Variants in UGGT2 observed in about 807,000 individuals in gnomAD.
UGGT2 encodes UDP-glucose glycoprotein glucosyltransferase 2, also known as UDP-glucose:glycoprotein glucosyltransferase 2.
In UGGT2, 180 loss-of-function variants were observed where a neutral mutation model predicts 192.1. The observed-to-expected ratio is 0.94, with a 90% confidence interval of 0.83 to 1.06. UGGT2 has a LOEUF of 1.06. UGGT2 is among the 50% of genes least tolerant of loss of function. The probability of loss-of-function intolerance (pLI) is 0.00; values close to 1 mark genes in which losing one functional copy is unlikely to be tolerated. For synonymous variants in UGGT2, 580 were observed against 591.0 expected (o/e 0.98, Z 0.27); for missense variants, 1,849 against 1,795.7 (o/e 1.03, Z -0.54).
At chr13:95,812,256 T>C (rs1042810303) in intron 38 of UGGT2, among the ~76,000 whole-genome samples, 6 of 152,210 alleles carry the variant, frequency 3.9e-5, no homozygotes, top group African/African-American at 1.4e-4. Context: ...ATTACTCTTT[T>C]GATTTTTTCC....
intron 8 of UGGT2, 109 bp from the exon 9 acceptor site, chr13:95,986,541 C>T (rs762292703): frequency 1.3e-6 from 1 of 742,414 alleles, no homozygotes; most frequent in East Asian, 2.9e-5. Flanking sequence ...TATTAGTATA[C>T]AAACATGTTA....
intron 29 of UGGT2, among the ~76,000 whole-genome samples, chr13:95,870,598 T>G (rs1236939949): frequency 6.6e-6 from 1 of 152,224 alleles, no homozygotes. Context: ...TCTTTCTGGT[T>G]GGTCAGTTCC....
chr13:95,848,826 G>C (rs966450790), intron 36 of UGGT2, among the ~76,000 whole-genome samples: 7 of 152,124 alleles, frequency 4.6e-5, no homozygotes, highest in African/African-American at 1.4e-4. Context: ...CTAGGACTTT[G>C]ATTGGAATTG....
intron 33 of UGGT2, among the ~76,000 whole-genome samples, chr13:95,858,774 A>G (rs1566599726): frequency 6.6e-6 from 1 of 152,158 alleles, no homozygotes; most frequent in Non-Finnish European, 1.5e-5. Flanking sequence ...TCAACTGTGC[A>G]AGCTAGTTAC....
At chr13:95,838,169 A>C (rs1178973792) in intron 36 of UGGT2, among the ~76,000 whole-genome samples, 2 of 152,212 alleles carry the variant, frequency 1.3e-5, no homozygotes, top group African/African-American at 4.8e-5. Context: ...GCAATGAACA[A>C]ACATAATTTG....
chr13:95,985,807 A>T (rs1331654313), intron 9 of UGGT2, among the ~76,000 whole-genome samples: 2 of 152,182 alleles, frequency 1.3e-5, no homozygotes, highest in Non-Finnish European at 2.9e-5. Context: ...GAAATGGAAT[A>T]TATGTTTAAT....
intron 5 of UGGT2, among the ~76,000 whole-genome samples, chr13:96,010,776 A>G (rs758026414): frequency 1.3e-5 from 2 of 152,228 alleles, no homozygotes; most frequent in Non-Finnish European, 2.9e-5. Context: ...AGCCGATTTT[A>G]AAGTTCACAA....
intron 20 of UGGT2, among the ~76,000 whole-genome samples, chr13:95,909,510 A>AC (rs1329381123): frequency 6.9e-6 from 1 of 145,726 alleles, no homozygotes; most frequent in Non-Finnish European, 1.5e-5. Flanking sequence ...GAACAAAAAA[A>AC]CAAACACCGC....
In UGGT2 at chr13:95,946,044, C is replaced by T. The variant is rs541297495; in HGVS notation, c.1677+993G>A. 1.0e-3 allele frequency among the ~76,000 whole-genome samples: 143 copies of T among 137,650 alleles called. 1 individual carries two copies. The highest frequency in any genetic ancestry group is 6.6e-3 in the South Asian group (29 of 4,400). The allele number at this position is 137,650 out of a possible 152,430, so 90.3% of individuals were successfully genotyped here. On this transcript the variant is annotated intron_variant, in intron 15 of 38. Coordinates refer to ENST00000376747, the MANE Select transcript of UGGT2 (RefSeq NM_020121.4). Reference sequence around the variant, plus strand: ...TGAAAAAAAACTTCTATTTTATAAGCTATGACTTATTTTATAAGTTATTTT... The same window carrying T: ...TGAAAAAAAACTTCTATTTTATAAGTTATGACTTATTTTATAAGTTATTTT...
chr13:95,935,865 C>T (rs553786898), intron 17 of UGGT2, among the ~76,000 whole-genome samples: 1 of 152,300 alleles, frequency 6.6e-6, no homozygotes, highest in African/African-American at 2.4e-5. Flanking sequence ...CTCGCTCTGT[C>T]ATCCAGGCTA....
chr13:95,815,824 G>C (rs73556739), intron 38 of UGGT2, among the ~76,000 whole-genome samples: 2,230 of 152,306 alleles, frequency 0.015, 57 homozygotes, highest in African/African-American at 0.051. Flanking sequence ...CTCATCCCCA[G>C]TGTTGGAGGT....
intron 20 of UGGT2, among the ~76,000 whole-genome samples, chr13:95,909,607 T>TG (rs1555353118): frequency 2.1e-5 from 1 of 48,552 alleles, no homozygotes; most frequent in African/African-American, 8.6e-5. Context: ...TGTTGTGGGG[T>TG]GGGGGGAGGG....
intron 2 of UGGT2, among the ~76,000 whole-genome samples, 200 bp downstream of exon 2, chr13:96,031,689 T>C (rs1277661813): frequency 6.6e-6 from 1 of 152,198 alleles, no homozygotes; most frequent in Non-Finnish European, 1.5e-5. Context: ...AGGTATCTTA[T>C]AATAAAGTAT....
chr13:95,870,557 C>G (rs181824963), intron 29 of UGGT2, among the ~76,000 whole-genome samples: 46 of 152,282 alleles, frequency 3.0e-4, no homozygotes, highest in African/African-American at 1.0e-3. Flanking sequence ...TTCTAGCTTT[C>G]TCTCACTTCT....
At chr13:95,999,026 A>G (rs962340761) in intron 6 of UGGT2, among the ~76,000 whole-genome samples, 185 bp downstream of exon 6, 4 of 152,208 alleles carry the variant, frequency 2.6e-5, no homozygotes, top group African/African-American at 9.7e-5. Flanking sequence ...TTGATAACCA[A>G]TAATATTAAA....
chr13:95,981,203 GCC>G lies in UGGT2; in HGVS notation c.1092+2599_1092+2600del. On this transcript the variant is annotated intron_variant, in intron 10 of 38. Transcript: ENST00000376747. ...TTGTTGGCCGGGCGCGGTGGCTCACGCCTGTAATCCCAGCACTTTGGGAGGCA... is the reference window on the plus strand; with the variant it reads ...TTGTTGGCCGGGCGCGGTGGCTCACGTGTAATCCCAGCACTTTGGGAGGCA... Among the ~76,000 whole-genome samples, 2 of 8,100 alleles carry G rather than the reference GCC, an allele frequency of 2.5e-4. 1 individual carries two copies. Among genetic ancestry groups the G allele is most frequent in the Middle Eastern group, 0.1 (2 of 20 alleles). The allele number at this position is 8,100 out of a possible 152,430, so 5.3% of individuals were successfully genotyped here.
At chr13:95,969,279 C>T (rs2050689335) in intron 12 of UGGT2, among the ~76,000 whole-genome samples, 2 of 152,162 alleles carry the variant, frequency 1.3e-5, no homozygotes, top group Admixed American at 1.3e-4. Flanking sequence ...GAAGCTTATA[C>T]CTGGTTTACT....
intron 5 of UGGT2, among the ~76,000 whole-genome samples, chr13:96,011,639 C>T (rs1328615918): frequency 1.3e-5 from 2 of 152,054 alleles, no homozygotes; most frequent in African/African-American, 2.4e-5. Context: ...TAAACACTGA[C>T]TTACCATACA....
intron 17 of UGGT2, among the ~76,000 whole-genome samples, chr13:95,930,887 G>C (rs576964353): frequency 6.6e-6 from 1 of 152,180 alleles, no homozygotes; most frequent in Admixed American, 6.5e-5. Flanking sequence ...AGACTTTTAT[G>C]GTGAGTGTTA....
Sources: allele counts gnomAD v4.1 joint callset (sites outside exome capture counted in the v4.1 genomes callset), GRCh38; gene constraint gnomAD v4.1.1; transcripts MANE v1.5; gene names NCBI Gene and HGNC (gene_info 2026-07-23, HGNC 2026-07-21).